AGPS: variants seen among roughly 807,000 people sequenced by gnomAD.
AGPS encodes the protein alkyldihydroxyacetonephosphate synthase, peroxisomal.
Under a neutral mutation model 90.7 loss-of-function variants are expected in AGPS, and 26 were observed. That is an observed-to-expected ratio of 0.29 (90% confidence interval 0.21 to 0.40). The LOEUF is 0.40. AGPS is among the 10% of genes least tolerant of loss of function. The pLI, the probability that AGPS is intolerant of heterozygous loss-of-function variation, is 1.00. For synonymous variants in AGPS, 294 were observed against 285.3 expected (o/e 1.03, Z -0.31); for missense variants, 540 against 816.1 (o/e 0.66, Z 4.12).
chr2:177,459,451 C>T (rs2105662644), intron 8 of AGPS, among the ~76,000 whole-genome samples: 1 of 152,170 alleles, frequency 6.6e-6, no homozygotes, highest in East Asian at 1.9e-4. Context: ...CCAGAATCTA[C>T]AAAGAACATA....
chr2:177,447,562 T>A (rs1686815060), intron 8 of AGPS, among the ~76,000 whole-genome samples: 1 of 152,002 alleles, frequency 6.6e-6, no homozygotes, highest in South Asian at 2.1e-4. Context: ...TGTATCTTTA[T>A]TATAGCATTT....
At chr2:177,471,935 T>G (rs936760261) in intron 10 of AGPS, among the ~76,000 whole-genome samples, 1 of 152,144 alleles carries the variant, frequency 6.6e-6, no homozygotes, top group Non-Finnish European at 1.5e-5. Flanking sequence ...AATTTTCTCT[T>G]TTTGCCTGGA....
chr2:177,468,163 A>T (rs1687509644), intron 9 of AGPS, among the ~76,000 whole-genome samples: 1 of 152,142 alleles, frequency 6.6e-6, no homozygotes, highest in Non-Finnish European at 1.5e-5. Flanking sequence ...TGTTCTTAAG[A>T]TAATAAATAA....
At chr2:177,461,820 A>C in intron 8 of AGPS, 73 bp from the exon 9 acceptor site, 1 of 1,297,652 alleles carries the variant, frequency 7.7e-7, no homozygotes, top group Non-Finnish European at 1.1e-6. Context: ...TTAAAGTGGG[A>C]GGAGTTAATG....
chr2:177,538,297 T>G lies in AGPS; in HGVS notation c.*102T>G. ...TATCATGGACTATATTTTGGATACA[T>G]TTGTTTCTTTGGTTTAAAATAAGTT... On this transcript the variant is annotated 3_prime_UTR_variant, in exon 20 of 20. Coordinates refer to ENST00000264167, the MANE Select transcript of AGPS (RefSeq NM_003659.4). 1 of 1,263,964 alleles carries G rather than the reference T, an allele frequency of 7.9e-7. No individual in the cohort carries two copies. Among genetic ancestry groups the G allele is most frequent in the Admixed American group, 2.0e-5 (1 of 50,042 alleles). The allele number at this position is 1,263,964 out of a possible 1,614,324, so 78.3% of individuals were successfully genotyped here. A position where few individuals can be genotyped will look rare whatever the true frequency, so the allele number is the denominator to read the frequency against.
At chr2:177,422,063 G>T (rs1270629056) in intron 2 of AGPS, among the ~76,000 whole-genome samples, 1 of 152,046 alleles carries the variant, frequency 6.6e-6, no homozygotes, top group African/African-American at 2.4e-5. Flanking sequence ...ATACCTTAGT[G>T]GGTCCCATGT....
chr2:177,518,137 A>T (rs1335490129), intron 17 of AGPS, among the ~76,000 whole-genome samples: 1 of 152,080 alleles, frequency 6.6e-6, no homozygotes, highest in Admixed American at 6.6e-5. Flanking sequence ...CATTGTATTT[A>T]AAAAAATATC....
intron 16 of AGPS, 42 bp downstream of exon 16, chr2:177,508,073 T>C (rs1688763542): frequency 2.8e-6 from 4 of 1,412,298 alleles, no homozygotes; most frequent in Non-Finnish European, 1.0e-6. Flanking sequence ...AAATATGCGA[T>C]ATGAATTGCT....
intron 17 of AGPS, among the ~76,000 whole-genome samples, chr2:177,515,216 T>C (rs1688987668): frequency 6.6e-6 from 1 of 152,024 alleles, no homozygotes; most frequent in Non-Finnish European, 1.5e-5. Context: ...CCTTAAAATC[T>C]AAGACAAAAA....
chr2:177,444,290 G>A (rs765770647), intron 7 of AGPS, among the ~76,000 whole-genome samples: 2 of 151,748 alleles, frequency 1.3e-5, no homozygotes, highest in Non-Finnish European at 2.9e-5. Flanking sequence ...GTGTGGTGGC[G>A]TGTGCCTGTA....
At chr2:177,462,262 G>A (rs749760521) in intron 9 of AGPS, among the ~76,000 whole-genome samples, 3 of 151,476 alleles carry the variant, frequency 2.0e-5, no homozygotes, top group African/African-American at 4.8e-5. Context: ...GTGTGGTGGC[G>A]GGCTCCTGTA....
intron 2 of AGPS, among the ~76,000 whole-genome samples, chr2:177,429,929 T>G (rs1186327395): frequency 6.6e-6 from 1 of 152,130 alleles, no homozygotes; most frequent in African/African-American, 2.4e-5. Context: ...CGGCTGTGTC[T>G]CCCCCAAGGG....
intron 9 of AGPS, among the ~76,000 whole-genome samples, chr2:177,467,425 T>C (rs534966350): frequency 1.6e-4 from 25 of 152,294 alleles, no homozygotes; most frequent in African/African-American, 5.3e-4. Context: ...TATATACATC[T>C]TTAATCATTT....
chr2:177,443,929 C>A lies in AGPS; in HGVS notation c.789+1443C>A, dbSNP rs559770281. On this transcript the variant is annotated intron_variant, in intron 7 of 19. Transcript: ENST00000264167. ...TTTTCTACCAAAAGATATGTTTGAACTCTTGGTAGCTACAAGGTATATATT... is the reference window on the plus strand; with the variant it reads ...TTTTCTACCAAAAGATATGTTTGAAATCTTGGTAGCTACAAGGTATATATT... Among the ~76,000 whole-genome samples the A allele has an allele frequency of 7.2e-5, 11 of 152,242 alleles. No homozygotes were observed. The East Asian group carries it at 1.7e-3, about 24-fold the overall frequency.
intron 1 of AGPS, among the ~76,000 whole-genome samples, chr2:177,419,625 T>A (rs1047219687): frequency 3.9e-5 from 6 of 151,902 alleles, no homozygotes; most frequent in Admixed American, 6.5e-5. Flanking sequence ...AAAAATAGCA[T>A]GTTATGAAAT....
chr2:177,483,449 GCA>G (rs1014333532), intron 11 of AGPS, among the ~76,000 whole-genome samples: 21 of 152,106 alleles, frequency 1.4e-4, no homozygotes, highest in African/African-American at 4.8e-4. Flanking sequence ...TCAAGTAGCT[GCA>G]CTTACTTGTC....
At chr2:177,442,704 G>T (rs757721120) in intron 7 of AGPS, among the ~76,000 whole-genome samples, 1 of 151,714 alleles carries the variant, frequency 6.6e-6, no homozygotes, top group African/African-American at 2.4e-5. Flanking sequence ...AAAATTAACC[G>T]AGTGTGGTGG....
chr2:177,501,798 G>C (rs1170748853), intron 14 of AGPS, among the ~76,000 whole-genome samples: 1 of 152,178 alleles, frequency 6.6e-6, no homozygotes, highest in African/African-American at 2.4e-5. Flanking sequence ...CTCCTGAGTA[G>C]CTGGGATTAC....
intron 12 of AGPS, among the ~76,000 whole-genome samples, chr2:177,497,339 G>C (rs779192521): frequency 2.3e-4 from 35 of 151,272 alleles, no homozygotes; most frequent in Non-Finnish European, 4.6e-4. Flanking sequence ...TGTTCTTAAT[G>C]AAATAAAAAT....
Sources: allele counts gnomAD v4.1 joint callset (sites outside exome capture counted in the v4.1 genomes callset), GRCh38; gene constraint gnomAD v4.1.1; transcripts MANE v1.5; gene names NCBI Gene and HGNC (gene_info 2026-07-23, HGNC 2026-07-21).